KDM5C: variants seen among roughly 807,000 people sequenced by gnomAD.
The protein encoded by KDM5C is lysine-specific demethylase 5C.
KDM5C carries 16 observed loss-of-function variants against 110.6 expected under a neutral mutation model. The observed-to-expected ratio is 0.14, with a 90% confidence interval of 0.10 to 0.22. KDM5C has a LOEUF of 0.22. KDM5C is among the 10% of genes least tolerant of loss of function. The pLI, the probability that KDM5C is intolerant of heterozygous loss-of-function variation, is 1.00. For missense variants in KDM5C, 681 were observed against 1,300.9 expected, an observed-to-expected ratio of 0.52 and a Z score of 7.33; for synonymous variants, 511 against 520.4, an observed-to-expected ratio of 0.98 and a Z score of 0.24.
intron 25 of KDM5C, among the ~76,000 whole-genome samples, chrX:53,182,332 C>T (rs920219235): frequency 9.0e-6 from 1 of 111,454 alleles, no homozygotes; most frequent in East Asian, 2.8e-4. Context: ...ATCCACCCAC[C>T]TTAGCCTCCC....
chrX:53,215,669 A>G, intron 7 of KDM5C, 126 bp downstream of exon 7: 3 of 664,650 alleles, frequency 4.5e-6, no homozygotes, highest in Non-Finnish European at 7.3e-6. Context: ...TAAGTGAGCT[A>G]CCTGAGGGCA....
At position 53,193,800 on chromosome X, in the gene KDM5C, C is replaced by T. The variant is rs1556833274; in HGVS notation, c.4090G>A (p.Ala1364Thr). 8.3e-7 allele frequency: 1 copy of T among 1,209,641 alleles called. No individual in the cohort carries two copies. The highest frequency in any genetic ancestry group is 1.1e-6 in the Non-Finnish European group (1 of 894,704). The change falls in exon 24 of 26, where the codon GCC becomes ACC. Residue 1364 changes from alanine to threonine, a missense_variant. Coordinates refer to ENST00000375401, the MANE Select transcript of KDM5C (RefSeq NM_004187.5). ...GDSVTSPEKV[A>T]PEEGSGKRDL... ...CTCTTACCTGAGCCCTCCTCCGGGG[C>T]TACCTTCTCAGGACTGGTCACACTG...
downstream of KDM5C, among the ~76,000 whole-genome samples, chrX:53,188,233 T>C (rs1300549544): frequency 1.8e-5 from 2 of 110,855 alleles, no homozygotes; most frequent in African/African-American, 6.6e-5. Flanking sequence ...ATATTGCATG[T>C]GGAAGCAACA....
chrX:53,180,545 C>T (rs1934007309), intron 25 of KDM5C, among the ~76,000 whole-genome samples: 1 of 109,151 alleles, frequency 9.2e-6, no homozygotes, highest in Non-Finnish European at 1.9e-5. Context: ...TACATACTTT[C>T]CACTCAATTT....
At position 53,218,511 on chromosome X, in the gene KDM5C, A is replaced by G; in HGVS notation, c.229-113T>C. 3 of 885,240 alleles carry G rather than the reference A, an allele frequency of 3.4e-6. No individual in the cohort carries two copies. In the African/African-American group the frequency reaches 5.8e-5, roughly 17 times the overall value. 73.0% of individuals were successfully genotyped at this position (885,240 alleles called of 1,213,427 possible). On this transcript the variant is annotated intron_variant, in intron 2 of 25. Coordinates refer to ENST00000375401, the MANE Select transcript of KDM5C (RefSeq NM_004187.5). ...ACAGCACTCCACACTTTCACTACCC[A>G]GGGTTTCTCCCAATGAACCGGATCC...
chrX:53,184,931 T>C (rs1382017552), intron 25 of KDM5C, among the ~76,000 whole-genome samples: 1 of 111,973 alleles, frequency 8.9e-6, no homozygotes, highest in Non-Finnish European at 1.9e-5. Flanking sequence ...TACTCAATAG[T>C]AGCTTGTGTT....
At chrX:53,211,364 T>C (rs984877889) in intron 10 of KDM5C, 133 bp downstream of exon 10, 1 of 701,566 alleles carries the variant, frequency 1.4e-6, no homozygotes, top group South Asian at 2.4e-5. Context: ...TTTTCTTTCA[T>C]CTCATCTAAA....
intron 12 of KDM5C, among the ~76,000 whole-genome samples, chrX:53,207,677 G>A (rs781974817): frequency 5.2e-4 from 58 of 111,699 alleles, no homozygotes; most frequent in South Asian, 2.2e-3. Context: ...GCCCGGGCGC[G>A]GTGGCTCACG....
At chrX:53,178,014 C>T (rs1933927880) in intron 25 of KDM5C, among the ~76,000 whole-genome samples, 1 of 111,137 alleles carries the variant, frequency 9.0e-6, no homozygotes, top group South Asian at 3.8e-4. Flanking sequence ...GCACGCTACT[C>T]TGCTCAGCCA....
chrX:53,188,041 CAAAAAATAATTTTTTACA>C (rs1177331644), downstream of KDM5C, among the ~76,000 whole-genome samples: 3 of 110,477 alleles, frequency 2.7e-5, no homozygotes, highest in Admixed American at 9.6e-5. Flanking sequence ...TGCACCCGGC[CAAAAAATAATTTTTTACA>C]AAAAAACAAT....
chrX:53,192,858 G>GCCCCCCCCCCCCCCCCCCCCC lies in KDM5C; in HGVS notation c.*108_*109insGGGGGGGGGGGGGGGGGGGGG. The GCCCCCCCCCCCCCCCCCCCCC allele has an allele frequency of 2.7e-6, 2 of 728,430 alleles. No individual in the cohort carries two copies. The highest frequency in any genetic ancestry group is 1.8e-6 in the Non-Finnish European group (1 of 548,376). 60.0% of individuals were successfully genotyped at this position (728,430 alleles called of 1,213,427 possible). A position where few individuals can be genotyped will look rare whatever the true frequency, so the allele number is the denominator to read the frequency against. ...CAGGGGTGGGCGGGTAGCAGGGATG[G>GCCCCCCCCCCCCCCCCCCCCC]CCACCCCCCTACCCGCCCACCCCCC... On this transcript the variant is annotated 3_prime_UTR_variant, in exon 26 of 26. Transcript: ENST00000375401.
intron 2 of KDM5C, among the ~76,000 whole-genome samples, chrX:53,220,259 T>C (rs2073859428): frequency 9.0e-6 from 1 of 111,642 alleles, no homozygotes; most frequent in South Asian, 3.7e-4. Flanking sequence ...AAACCCCACC[T>C]GTCCATGAAA....
intron 10 of KDM5C, among the ~76,000 whole-genome samples, 166 bp from the exon 11 acceptor site, chrX:53,211,023 T>C (rs148017228): frequency 1.8e-5 from 2 of 111,911 alleles, no homozygotes; most frequent in Non-Finnish European, 3.8e-5. Flanking sequence ...CCAAAAAGCA[T>C]ACACACAAAA....
Position 53,192,870 on chromosome X carries a change from C to CCAG in KDM5C, c.*96_*97insCTG. On this transcript the variant is annotated 3_prime_UTR_variant, in exon 26 of 26. Coordinates refer to ENST00000375401, the MANE Select transcript of KDM5C (RefSeq NM_004187.5). ...GGTAGCAGGGATGGCCACCCCCCTA[C>CCAG]CCGCCCACCCCCCAAGAAGCAGGCT... is the stretch of plus-strand genomic sequence containing the variant. The CCAG allele has an allele frequency of 9.1e-6, 5 of 548,170 alleles. No individual in the cohort carries two copies. Among genetic ancestry groups the CCAG allele is most frequent in the South Asian group, 4.9e-5 (1 of 20,247 alleles). 45.2% of individuals were successfully genotyped at this position (548,170 alleles called of 1,213,427 possible). A position where few individuals can be genotyped will look rare whatever the true frequency, so the allele number is the denominator to read the frequency against.
At chrX:53,222,143 T>A (rs181512583) in intron 1 of KDM5C, among the ~76,000 whole-genome samples, 34 of 110,749 alleles carry the variant, frequency 3.1e-4, no homozygotes, top group African/African-American at 9.9e-4. Context: ...ATCCAAGGCC[T>A]TTGCACTACA....
At chrX:53,192,054 C>T (rs1602154702), downstream of KDM5C, 1 of 122,595 alleles carries the variant, frequency 8.2e-6, no homozygotes, top group Admixed American at 1.6e-4. Flanking sequence ...CCCAGAGCTC[C>T]CTGGCTTCAG....
chrX:53,206,863 CAAAAAAAAAAA>C (rs58880985), intron 12 of KDM5C, among the ~76,000 whole-genome samples: 75 of 22,342 alleles, frequency 3.4e-3, no homozygotes, highest in African/African-American at 4.9e-3. Context: ...GATTCCTTCT[CAAAAAAAAAAA>C]AAAAAAAAAA....
At chrX:53,206,556 G>C (rs1291239788) in intron 12 of KDM5C, among the ~76,000 whole-genome samples, 3 of 111,136 alleles carry the variant, frequency 2.7e-5, no homozygotes, top group Non-Finnish European at 5.7e-5. Context: ...AAATATGCTA[G>C]GTACATAGGT....
At chrX:53,176,926 G>A (rs1307213360) in intron 25 of KDM5C, among the ~76,000 whole-genome samples, 1 of 112,027 alleles carries the variant, frequency 8.9e-6, no homozygotes, top group Non-Finnish European at 1.9e-5. Flanking sequence ...TCAATGTTTG[G>A]ATCCTGAATC....
Sources: gnomAD v4.1 joint callset for allele counts (sites outside exome capture counted in the v4.1 genomes callset) on GRCh38, gnomAD v4.1.1 for gene constraint, MANE v1.5 for transcripts, NCBI Gene and HGNC (gene_info 2026-07-23, HGNC 2026-07-21) for gene names.